The following PLCB4 variants were observed in gnomAD, a reference collection of about 807,000 sequenced individuals.
The protein encoded by PLCB4 is 1-phosphatidylinositol 4,5-bisphosphate phosphodiesterase beta-4.
Under a neutral mutation model 178.8 loss-of-function variants are expected in PLCB4, and 77 were observed. That is an observed-to-expected ratio of 0.43 (90% CI 0.36 to 0.52). The LOEUF is 0.52. Among genes scored for constraint, PLCB4 ranks in the 20% least tolerant of loss-of-function variants. The pLI is 0.00. For missense variants in PLCB4, 1,024 were observed against 1,453.4 expected (o/e 0.70, Z 4.80); for synonymous variants, 496 against 490.8 (o/e 1.01, Z -0.14).
At chr20:9,339,105 C>G (rs371104811) in intron 7 of PLCB4, 68 bp downstream of exon 7, 4 of 1,159,672 alleles carry the variant, frequency 3.4e-6, no homozygotes, top group Admixed American at 4.6e-5. Flanking sequence ...TAATTTTATG[C>G]GTGCTATATT....
chr20:9,168,462 C>T (rs551302417), intron 2 of PLCB4, among the ~76,000 whole-genome samples: 1 of 152,294 alleles, frequency 6.6e-6, no homozygotes, highest in East Asian at 1.9e-4. Flanking sequence ...GGCTTGTTAT[C>T]GGATCACTCC....
At chr20:9,216,739 A>G (rs2093737757) in intron 2 of PLCB4, among the ~76,000 whole-genome samples, 1 of 151,676 alleles carries the variant, frequency 6.6e-6, no homozygotes, top group Non-Finnish European at 1.5e-5. Flanking sequence ...CTCCTGAGGC[A>G]AGTGATCTGC....
intron 28 of PLCB4, among the ~76,000 whole-genome samples, chr20:9,434,398 C>T (rs145591754): frequency 9.9e-5 from 15 of 151,898 alleles, no homozygotes; most frequent in African/African-American, 3.1e-4. Context: ...TTTTCTGAGA[C>T]GGAGTCTCAC....
chr20:9,078,387 T>C (rs2089983929), intron 1 of PLCB4, among the ~76,000 whole-genome samples: 1 of 152,110 alleles, frequency 6.6e-6, no homozygotes, highest in Non-Finnish European at 1.5e-5. Context: ...TTCTTTTCTT[T>C]CTTTTCTTTC....
intron 2 of PLCB4, among the ~76,000 whole-genome samples, chr20:9,121,035 C>T (rs538392791): frequency 1.3e-5 from 2 of 152,308 alleles, no homozygotes; most frequent in Admixed American, 1.3e-4. Context: ...GGATGATCTA[C>T]CCGTCTTGAC....
At chr20:9,267,804 C>T (rs2094363896) in intron 3 of PLCB4, among the ~76,000 whole-genome samples, 1 of 152,116 alleles carries the variant, frequency 6.6e-6, no homozygotes, top group South Asian at 2.1e-4. Flanking sequence ...GCCCTGCCCT[C>T]ATGATAGATT....
At chr20:9,414,839 T>C (rs905427544) in intron 25 of PLCB4, among the ~76,000 whole-genome samples, 1 of 152,212 alleles carries the variant, frequency 6.6e-6, no homozygotes, top group Non-Finnish European at 1.5e-5. Flanking sequence ...CTTTTTAGAC[T>C]TTCATAGGAA....
chr20:9,435,496 G>GT, intron 28 of PLCB4, 64 bp from the exon 29 acceptor site: 2 of 960,572 alleles, frequency 2.1e-6, no homozygotes, highest in Non-Finnish European at 3.4e-6. Flanking sequence ...ATTAAGCAGA[G>GT]TTTTAATGAA....
chr20:9,435,086 C>T (rs940282831), intron 28 of PLCB4, among the ~76,000 whole-genome samples: 3 of 152,198 alleles, frequency 2.0e-5, no homozygotes, highest in African/African-American at 4.8e-5. Flanking sequence ...TATTATCCTT[C>T]TGTATCGAAA....
intron 36 of PLCB4, among the ~76,000 whole-genome samples, chr20:9,469,099 G>A (rs1055455522): frequency 1.1e-4 from 16 of 152,024 alleles, no homozygotes; most frequent in African/African-American, 3.9e-4. Flanking sequence ...TCCTGCCTGA[G>A]CCTCCCTAGT....
intron 3 of PLCB4, among the ~76,000 whole-genome samples, chr20:9,249,225 T>A (rs1357984741): frequency 6.6e-6 from 1 of 152,088 alleles, no homozygotes; most frequent in Non-Finnish European, 1.5e-5. Flanking sequence ...TTTTTTTAAT[T>A]TTATTATTAT....
intron 3 of PLCB4, among the ~76,000 whole-genome samples, chr20:9,254,078 C>T (rs567133489): frequency 7.9e-5 from 12 of 152,286 alleles, no homozygotes; most frequent in Admixed American, 5.9e-4. Flanking sequence ...TCACCTGTTT[C>T]TTGGTAGAGA....
At chr20:9,248,877 C>T (rs1271235531) in intron 3 of PLCB4, among the ~76,000 whole-genome samples, 2 of 152,170 alleles carry the variant, frequency 1.3e-5, no homozygotes, top group Admixed American at 1.3e-4. Flanking sequence ...TTCTGGAAGT[C>T]AGAAGTCCAA....
chr20:9,124,734 A>G (rs1260195752), intron 2 of PLCB4, among the ~76,000 whole-genome samples: 1 of 152,142 alleles, frequency 6.6e-6, no homozygotes, highest in African/African-American at 2.4e-5. Context: ...TGTTGTGACC[A>G]ATTCACAAAC....
chr20:9,228,641 A>G (rs1048816636), intron 3 of PLCB4, among the ~76,000 whole-genome samples: 2 of 152,180 alleles, frequency 1.3e-5, no homozygotes, highest in African/African-American at 4.8e-5. Context: ...TCAAAATACA[A>G]TTAGAAGTAG....
At chr20:9,235,769 T>C (rs1373882783) in intron 3 of PLCB4, among the ~76,000 whole-genome samples, 3 of 152,336 alleles carry the variant, frequency 2.0e-5, no homozygotes, top group East Asian at 1.9e-4. Context: ...CCAACTCTTA[T>C]TGAAGAGGGA....
At chr20:9,292,235 A>G (rs1302585798) in intron 3 of PLCB4, among the ~76,000 whole-genome samples, 2 of 152,220 alleles carry the variant, frequency 1.3e-5, no homozygotes, top group East Asian at 3.9e-4. Flanking sequence ...TTCCTTTGAA[A>G]TAGTCCAATA....
chr20:9,460,504 A>C (rs937409839), intron 35 of PLCB4, among the ~76,000 whole-genome samples: 6 of 152,232 alleles, frequency 3.9e-5, no homozygotes, highest in African/African-American at 1.4e-4. Context: ...GCAAAGTATC[A>C]GTTTATTTTG....
At chr20:9,229,020 C>T (rs1205039360) in intron 3 of PLCB4, among the ~76,000 whole-genome samples, 1 of 152,206 alleles carries the variant, frequency 6.6e-6, no homozygotes, top group Non-Finnish European at 1.5e-5. Context: ...GGATAACATT[C>T]TCATCTGGTG....
Sources: gnomAD v4.1 joint callset for allele counts (sites outside exome capture counted in the v4.1 genomes callset) on GRCh38, gnomAD v4.1.1 for gene constraint, MANE v1.5 for transcripts, NCBI Gene and HGNC (gene_info 2026-07-23, HGNC 2026-07-21) for gene names.